IARS2: variants seen among roughly 807,000 people sequenced by gnomAD.
IARS2 encodes isoleucine--tRNA ligase, mitochondrial.
IARS2 carries 56 observed loss-of-function variants against 126.3 expected under a neutral mutation model. The observed-to-expected ratio is 0.44, with a 90% CI of 0.36 to 0.55. The LOEUF is 0.55. Ranked by LOEUF, IARS2 falls within the 20% of genes least tolerant of loss-of-function variation. IARS2 has a pLI of 0.00. For missense variants in IARS2, 1,127 were observed against 1,245.9 expected, an observed-to-expected ratio of 0.90 and a Z score of 1.44; for synonymous variants, 407 against 441.1, an observed-to-expected ratio of 0.92 and a Z score of 0.97.
In IARS2 at chr1:220,105,999, A is replaced by G; in HGVS notation, c.1175A>G (p.His392Arg). The G allele has an allele frequency of 6.2e-7, 1 of 1,614,180 alleles. No homozygotes were observed. The highest frequency in any genetic ancestry group is 2.2e-5 in the East Asian group (1 of 44,874). Residue 392 changes from histidine to arginine, a missense_variant, in exon 9 of 23, where the codon CAC (histidine) becomes CGC (arginine). By Grantham distance (29) the His-to-Arg change is conservative. Transcript: ENST00000366922. ...VTMAKGTGLV[H>R]TAPAHGMEDY... is the part of the protein sequence containing the mutation. ...ATGGCAAAAGGAACGGGATTGGTTC[A>G]CACAGCCCCAGCTCATGGTATGGAA...
At chr1:220,105,201 A>G (rs1313134228) in intron 8 of IARS2, among the ~76,000 whole-genome samples, 2 of 152,154 alleles carry the variant, frequency 1.3e-5, no homozygotes, top group Non-Finnish European at 2.9e-5. Context: ...CAGCCTCCCA[A>G]AGTGCTGCAA....
chr1:220,126,839 T>G lies in IARS2; in HGVS notation c.1833T>G (p.Leu611=). 1 of 1,601,392 alleles carries G rather than the reference T, an allele frequency of 6.2e-7. No individual in the cohort carries two copies. Among genetic ancestry groups the G allele is most frequent in the Non-Finnish European group, 8.5e-7 (1 of 1,173,986 alleles). Residue 611 remains leucine, a synonymous_variant, in exon 14 of 23, where the codon CTT becomes CTG. Coordinates refer to ENST00000366922, the MANE Select transcript of IARS2 (RefSeq NM_018060.4). ...FDSGTSWSYV[L]PGPDQRADLY... is the part of the protein sequence containing the mutation. ...GCGGAACTTCATGGTCTTATGTTCT[T>G]CCAGGTAATTCTTAAAAATAGATAT...
At chr1:220,119,556 A>C (rs1656995518) in intron 12 of IARS2, among the ~76,000 whole-genome samples, 1 of 152,128 alleles carries the variant, frequency 6.6e-6, no homozygotes, top group Non-Finnish European at 1.5e-5. Flanking sequence ...AAATTGTTTA[A>C]AAATTTTTTT....
chr1:220,143,052 T>G lies in IARS2; in HGVS notation c.2669T>G (p.Leu890Arg), dbSNP rs1409898715. Residue 890 changes from leucine to arginine, a missense_variant, in exon 21 of 23, where the codon CTT becomes CGT. Coordinates refer to ENST00000366922, the MANE Select transcript of IARS2 (RefSeq NM_018060.4). ...GCGTGTGCAATGCGAGACTCATTTC[T>G]TGGAAGCATCCCTGGCAAAAATGCA... ...ESACAMRDSF[L>R]GSIPGKNAAE... 1.9e-6 allele frequency: 3 copies of G among 1,614,218 alleles called. No homozygotes were observed. Among genetic ancestry groups the G allele is most frequent in the East Asian group, 2.2e-5 (1 of 44,884 alleles).
At position 220,096,105 on chromosome 1, in the gene IARS2, A is replaced by G. The variant is rs1389037066; in HGVS notation, c.269A>G (p.Lys90Arg). ...ATATCTTTTTTTTTTTTAAAACAGA[A>G]ATGTGGATTTTCAGAACTTTATTCA... ...QPDTELEIQQ[K>R]CGFSELYSWQ... Residue 90 changes from lysine to arginine, a missense_variant and splice_region_variant, in exon 2 of 23, where the codon AAA becomes AGA. Coordinates refer to ENST00000366922, the MANE Select transcript of IARS2 (RefSeq NM_018060.4). 2.1e-6 allele frequency: 3 copies of G among 1,450,458 alleles called. No homozygotes were observed. Among genetic ancestry groups the G allele is most frequent in the Non-Finnish European group, 1.9e-6 (2 of 1,048,446 alleles). 89.8% of individuals were successfully genotyped at this position (1,450,458 alleles called of 1,614,324 possible).
In IARS2 at chr1:220,141,642, C is replaced by T. The variant is rs561717302; in HGVS notation, c.2415-161C>T. On this transcript the variant is annotated intron_variant, in intron 19 of 22. Transcript: ENST00000366922. ...TTTCAAGGAGGTGGGTACACCTGGA[C>T]GGAGTAAAATTGTAGGAGAGTGTAT... Among the ~76,000 whole-genome samples, 62 of 152,242 alleles carry T rather than the reference C, an allele frequency of 4.1e-4. No homozygotes were observed. In the East Asian group the frequency reaches 8.3e-3, roughly 20 times the overall value.
chr1:220,103,479 A>T lies in IARS2; in HGVS notation c.983A>T (p.Asp328Val), dbSNP rs745882395. Reference protein sequence around the residue: ...YAVVKCSKSGDLYVLAADKVA... With the variant: ...YAVVKCSKSGVLYVLAADKVA... ...GTTGTGAAATGTTCTAAGTCTGGAG[A>T]CCTCTACGTACTGGCGGCAGATAAA... is the stretch of plus-strand genomic sequence containing the variant. The change falls in exon 8 of 23, where the codon GAC (aspartate) becomes GTC (valine). Residue 328 changes from aspartate (D) to valine (V), a missense_variant. Asp to Val is a radical substitution (Grantham distance 152). Transcript: ENST00000366922. 26 of 1,612,014 alleles carry T rather than the reference A, an allele frequency of 1.6e-5. No homozygotes were observed. In the South Asian group the frequency reaches 2.9e-4, roughly 18 times the overall value.
chr1:220,108,684 C>G lies in IARS2; in HGVS notation c.1327+1533C>G, dbSNP rs566785253. ...ACAGGCATGAGCCACCGCACCCGGC[C>G]TATTTTTTATTTTTAATAGAGACAG... is the stretch of plus-strand genomic sequence containing the variant. On this transcript the variant is annotated intron_variant, in intron 10 of 22. Coordinates refer to ENST00000366922, the MANE Select transcript of IARS2 (RefSeq NM_018060.4). Among the ~76,000 whole-genome samples the G allele has an allele frequency of 2.6e-5, 4 of 151,164 alleles. No homozygotes were observed. In the South Asian group the frequency reaches 8.4e-4, roughly 32 times the overall value.
chr1:220,126,864 T>G (rs145161844), intron 14 of IARS2, 21 bp downstream of exon 14: 1 of 1,527,870 alleles, frequency 6.5e-7, no homozygotes, highest in South Asian at 1.2e-5. Flanking sequence ...AAAATAGATA[T>G]ATGCCGATCA....
At position 220,141,970 on chromosome 1, in the gene IARS2, C is replaced by T. The variant is rs1194458172; in HGVS notation, c.2560+22C>T. Reference sequence around the variant, plus strand: ...AAAGGTAAGGAATACTTCATTTATTCTCTTAATGAGAAATATCCCTGATCA... The same window carrying T: ...AAAGGTAAGGAATACTTCATTTATTTTCTTAATGAGAAATATCCCTGATCA... On this transcript the variant is annotated intron_variant, in intron 20 of 22. Coordinates refer to ENST00000366922, the MANE Select transcript of IARS2 (RefSeq NM_018060.4). The T allele has an allele frequency of 3.7e-6, 6 of 1,604,210 alleles. No homozygotes were observed. In the South Asian group the frequency reaches 6.7e-5, roughly 18 times the overall value.
intron 22 of IARS2, 30 bp downstream of exon 22, chr1:220,145,683 A>T (rs911463460): frequency 6.3e-7 from 1 of 1,579,576 alleles, no homozygotes; most frequent in Non-Finnish European, 8.6e-7. Context: ...AACAAGTAAC[A>T]TCTGGAGAAT....
chr1:220,134,254 T>C (rs1288761262), intron 14 of IARS2, 148 bp from the exon 15 acceptor site: 3 of 562,994 alleles, frequency 5.3e-6, no homozygotes, highest in Middle Eastern at 4.8e-4. Flanking sequence ...TTGGTCACTT[T>C]CTTGGTTAAG....
chr1:220,102,782 G>A lies in IARS2; in HGVS notation c.950+5G>A, dbSNP rs752555234. 2.5e-5 allele frequency: 39 copies of A among 1,558,114 alleles called. No individual in the cohort carries two copies. Among genetic ancestry groups the A allele is most frequent in the African/African-American group, 4.1e-5 (3 of 73,534 alleles). ...TTGCTATATGCCTGAATCAAAGTGG[G>A]TATATTATTGCATTTTTTGTTTTAT... On this transcript the variant is annotated splice_donor_5th_base_variant and intron_variant, in intron 7 of 22. Coordinates refer to ENST00000366922, the MANE Select transcript of IARS2 (RefSeq NM_018060.4).
chr1:220,147,918 T>C lies in IARS2; in HGVS notation c.*283T>C, dbSNP rs1657641343. The C allele has an allele frequency of 2.4e-6, 1 of 410,198 alleles. No individual in the cohort carries two copies. 25.4% of individuals were successfully genotyped at this position (410,198 alleles called of 1,614,324 possible). A position where few individuals can be genotyped will look rare whatever the true frequency, so the allele number is the denominator to read the frequency against. ...ATCCATAGTGGACTTATTCAGAACA[T>C]AGATATGTATTCAGCTTGTCTTCAA... On this transcript the variant is annotated 3_prime_UTR_variant, in exon 23 of 23. Transcript: ENST00000366922.
chr1:220,102,293 TTC>T lies in IARS2; in HGVS notation c.699+20_699+21del, dbSNP rs1064794831. 1.4e-5 allele frequency: 23 copies of T among 1,604,082 alleles called. No homozygotes were observed. The highest frequency in any genetic ancestry group is 1.9e-5 in the Non-Finnish European group (22 of 1,177,568). ...GTATGATAAGGTAAAGAAGTATTTT[TTC>T]TCTTTGAGTAGGTTTTAGTATGCGT... On this transcript the variant is annotated intron_variant, in intron 4 of 22. Coordinates refer to ENST00000366922, the MANE Select transcript of IARS2 (RefSeq NM_018060.4).
chr1:220,135,114 A>G (rs949377694), intron 15 of IARS2, among the ~76,000 whole-genome samples: 1 of 152,118 alleles, frequency 6.6e-6, no homozygotes, highest in Non-Finnish European at 1.5e-5. Context: ...GGAGGAATGT[A>G]GGGAAGGATA....
At chr1:220,141,047 C>T (rs879088671) in intron 19 of IARS2, among the ~76,000 whole-genome samples, 14 of 151,938 alleles carry the variant, frequency 9.2e-5, no homozygotes, top group Middle Eastern at 6.9e-3. Context: ...TTTGACCTCC[C>T]GCTTACTAGC....
chr1:220,119,724 CATA>C (rs1656999918), intron 12 of IARS2, among the ~76,000 whole-genome samples: 1 of 151,966 alleles, frequency 6.6e-6, no homozygotes, highest in African/African-American at 2.4e-5. Flanking sequence ...TATAAAGGAA[CATA>C]ATGATATACA....
Position 220,129,779 on chromosome 1 carries a change from A to G in IARS2, c.1837+2936A>G, listed in dbSNP as rs143512136. 5.3e-5 allele frequency among the ~76,000 whole-genome samples: 8 copies of G among 152,304 alleles called. No homozygotes were observed. In the East Asian group the frequency reaches 1.3e-3, roughly 26 times the overall value. ...TTTGATGGATAGTTAGACTGGTTCCATATCTTGGCTATTGTGAGTAGTGTT... is the reference window on the plus strand; with the variant it reads ...TTTGATGGATAGTTAGACTGGTTCCGTATCTTGGCTATTGTGAGTAGTGTT... On this transcript the variant is annotated intron_variant, in intron 14 of 22. Transcript: ENST00000366922.
Sources: gnomAD v4.1 joint callset for allele counts (sites outside exome capture counted in the v4.1 genomes callset) on GRCh38, gnomAD v4.1.1 for gene constraint, MANE v1.5 for transcripts, NCBI Gene and HGNC (gene_info 2026-07-23, HGNC 2026-07-21) for gene names.